The following REC114 variants were observed in gnomAD, a reference collection of about 807,000 sequenced individuals.
REC114 encodes REC114 meiotic recombination protein.
A neutral mutation model predicts 31.3 loss-of-function variants in REC114; 27 were observed. The ratio of observed to expected loss-of-function variants is 0.86; its 90% CI spans 0.64 to 1.19. The LOEUF (loss-of-function observed/expected upper bound fraction) is 1.19, where lower values mean the gene tolerates loss of function less well. Among genes scored for constraint, REC114 ranks in the 50% most tolerant of loss-of-function variants. The pLI, the probability that REC114 is intolerant of heterozygous loss-of-function variation, is 0.00. For synonymous variants in REC114, 134 were observed against 127.7 expected (o/e 1.05, Z -0.33); for missense variants, 344 against 326.9 (o/e 1.05, Z -0.40).
chr15:73,552,505 C>T (rs1894407106), intron 4 of REC114, among the ~76,000 whole-genome samples: 1 of 152,018 alleles, frequency 6.6e-6, no homozygotes, highest in Non-Finnish European at 1.5e-5. Context: ...GTGTTAGTTT[C>T]TAATATGATA....
Position 73,467,377 on chromosome 15 carries a change from T to G in REC114, c.160-6455T>G, listed in dbSNP as rs114715100. On this transcript the variant is annotated intron_variant, in intron 1 of 5. Transcript: ENST00000331090. ...ATTGCCAGCACCTGCAGTGTACTGC[T>G]CCCAACATCCCACCTTTGGTATGTC... Among the ~76,000 whole-genome samples, 425 of 152,318 alleles carry G rather than the reference T, an allele frequency of 2.8e-3. 3 individuals are homozygous for G. The highest frequency in any genetic ancestry group is 9.6e-3 in the African/African-American group (398 of 41,578).
chr15:73,489,228 G>A (rs1336108282), intron 2 of REC114, among the ~76,000 whole-genome samples: 1 of 128,770 alleles, frequency 7.8e-6, no homozygotes. Flanking sequence ...TTTTGAGACA[G>A]AGTCTCACTC....
At chr15:73,556,173 A>C (rs1043702381) in intron 4 of REC114, 129 bp from the exon 5 acceptor site, 3 of 749,104 alleles carry the variant, frequency 4.0e-6, no homozygotes, top group South Asian at 3.7e-5. Context: ...CTATGCTGAC[A>C]ACCATTTTTA....
intron 2 of REC114, among the ~76,000 whole-genome samples, chr15:73,514,588 A>C (rs1893832598): frequency 6.6e-6 from 1 of 152,184 alleles, no homozygotes; most frequent in African/African-American, 2.4e-5. Context: ...GTTATTCCTA[A>C]TAGGGATAAA....
intron 2 of REC114, among the ~76,000 whole-genome samples, chr15:73,503,428 A>G (rs1893629015): frequency 6.6e-6 from 1 of 152,162 alleles, no homozygotes; most frequent in Non-Finnish European, 1.5e-5. Context: ...TCTTTTAAGG[A>G]TGTAACTGAA....
intron 2 of REC114, among the ~76,000 whole-genome samples, chr15:73,495,731 A>G (rs1893512211): frequency 6.6e-6 from 1 of 152,126 alleles, no homozygotes; most frequent in Non-Finnish European, 1.5e-5. Flanking sequence ...ACAGTATTCA[A>G]TTAAGTCTGT....
At chr15:73,520,892 A>C (rs1241446768) in intron 2 of REC114, among the ~76,000 whole-genome samples, 4 of 152,128 alleles carry the variant, frequency 2.6e-5, no homozygotes, top group African/African-American at 9.7e-5. Flanking sequence ...TCATTAATTC[A>C]TCAAACAGAC....
chr15:73,529,946 A>G (rs998077168), intron 2 of REC114, among the ~76,000 whole-genome samples: 1 of 152,254 alleles, frequency 6.6e-6, no homozygotes, highest in African/African-American at 2.4e-5. Flanking sequence ...TGATTTCTAG[A>G]TGATAAAAAT....
At chr15:73,516,090 G>T (rs1893855055) in intron 2 of REC114, among the ~76,000 whole-genome samples, 1 of 151,394 alleles carries the variant, frequency 6.6e-6, no homozygotes, top group Non-Finnish European at 1.5e-5. Context: ...AGGTTCAAGT[G>T]ATTCTCCTGC....
At chr15:73,499,090 G>A (rs1415634270) in intron 2 of REC114, among the ~76,000 whole-genome samples, 1 of 152,014 alleles carries the variant, frequency 6.6e-6, no homozygotes, top group African/African-American at 2.4e-5. Context: ...GGTCTACCAA[G>A]TATCTTAAAA....
intron 1 of REC114, among the ~76,000 whole-genome samples, chr15:73,448,893 A>T (rs1892803657): frequency 6.6e-6 from 1 of 152,230 alleles, no homozygotes; most frequent in South Asian, 2.1e-4. Context: ...GCAGACCTGC[A>T]GAAGAGGGGC....
intron 2 of REC114, among the ~76,000 whole-genome samples, chr15:73,508,706 G>A (rs1346018380): frequency 6.8e-6 from 1 of 146,054 alleles, no homozygotes; most frequent in African/African-American, 2.5e-5. Context: ...TTGGTTTTTT[G>A]TTCTTGCGAT....
At chr15:73,458,110 C>G (rs1892941234) in intron 1 of REC114, among the ~76,000 whole-genome samples, 1 of 152,146 alleles carries the variant, frequency 6.6e-6, no homozygotes, top group Non-Finnish European at 1.5e-5. Context: ...TGTAATCAGT[C>G]TTCATGGCCC....
chr15:73,544,716 G>C (rs1894285499), intron 3 of REC114, among the ~76,000 whole-genome samples: 1 of 152,142 alleles, frequency 6.6e-6, no homozygotes, highest in South Asian at 2.1e-4. Flanking sequence ...TTGCCTTTTA[G>C]TTTCAAAGCA....
At position 73,556,331 on chromosome 15, in the gene REC114, G is replaced by A. The variant is rs756515141; in HGVS notation, c.576G>A (p.Val192=). The stretch of plus-strand genomic sequence containing the variant: ...ACCAGCACTCAGAACAACAGCAAGT[G>A]TGTGTAACAGCGGGCACAGGCGCTC... The part of the protein sequence containing the change: ...GSHQHSEQQQ[V]CVTAGTGAPD... The change falls in exon 5 of 6, where the codon GTG becomes GTA. Residue 192 remains valine (V), a synonymous_variant. Coordinates refer to ENST00000331090, the MANE Select transcript of REC114 (RefSeq NM_001042367.2). The A allele has an allele frequency of 3.7e-6, 6 of 1,613,712 alleles. No individual in the cohort carries two copies. The highest frequency in any genetic ancestry group is 4.5e-5 in the East Asian group (2 of 44,892).
At chr15:73,525,137 C>T (rs982237458) in intron 2 of REC114, among the ~76,000 whole-genome samples, 3 of 152,152 alleles carry the variant, frequency 2.0e-5, no homozygotes, top group African/African-American at 7.2e-5. Flanking sequence ...TGCTTGTTGA[C>T]TTGCTGGAGG....
intron 2 of REC114, among the ~76,000 whole-genome samples, chr15:73,482,390 C>A (rs969896824): frequency 2.0e-5 from 3 of 152,260 alleles, no homozygotes; most frequent in Admixed American, 2.0e-4. Context: ...TCTTGCCATG[C>A]GACATGCCTC....
chr15:73,520,243 G>T (rs550603695), intron 2 of REC114, among the ~76,000 whole-genome samples: 15 of 151,050 alleles, frequency 9.9e-5, no homozygotes, highest in Non-Finnish European at 1.5e-4. Context: ...TTTTTTGTTT[G>T]TTTGTTTGTT....
chr15:73,469,710 C>T (rs1344393469), intron 1 of REC114, among the ~76,000 whole-genome samples: 4 of 145,128 alleles, frequency 2.8e-5, no homozygotes, highest in Non-Finnish European at 3.0e-5. Context: ...TTTAAGACTC[C>T]GTCTCCCTCC....
Sources: allele counts gnomAD v4.1 joint callset (sites outside exome capture counted in the v4.1 genomes callset), GRCh38; gene constraint gnomAD v4.1.1; transcripts MANE v1.5; gene names NCBI Gene and HGNC (gene_info 2026-07-23, HGNC 2026-07-21).